The following CADPS2 variants were observed in gnomAD, a reference collection of about 807,000 sequenced individuals.
CADPS2 encodes the protein calcium-dependent secretion activator 2.
In CADPS2, 93 loss-of-function variants were observed where a neutral mutation model predicts 172.5. The ratio of observed to expected loss-of-function variants is 0.54; its 90% confidence interval spans 0.46 to 0.64. The LOEUF is 0.64. Among genes scored for constraint, CADPS2 ranks in the 30% least tolerant of loss-of-function variants. CADPS2 has a pLI of 0.00. For missense variants in CADPS2, 1,420 were observed against 1,565.9 expected (o/e 0.91, Z 1.57); for synonymous variants, 546 against 555.2 (o/e 0.98, Z 0.23).
rs910238253 is a variant in CADPS2 at position 122,331,730 on chromosome 7, A to G, written c.3613-6149T>C. Among the ~76,000 whole-genome samples, 7 of 152,214 alleles carry G rather than the reference A, an allele frequency of 4.6e-5. No homozygotes were observed. The East Asian group carries it at 9.6e-4, about 21-fold the overall frequency. ...GTGGGTGTAATTATTCCCATTTTGC[A>G]TATCTGGAAACCGAGTTTACAGAGG... On this transcript the variant is annotated intron_variant, in intron 28 of 29. Coordinates refer to ENST00000449022, the MANE Select transcript of CADPS2 (RefSeq NM_017954.11).
In CADPS2 at chr7:122,393,269, T is replaced by G. The variant is rs774884037; in HGVS notation, c.2935A>C (p.Ser979Arg). Reference sequence around the variant, plus strand: ...ATCTGTGGAAGATTAAGAGGCAGACTTGGAACTTTTGGAAGAGCTACATTG... The same window carrying G: ...ATCTGTGGAAGATTAAGAGGCAGACGTGGAACTTTTGGAAGAGCTACATTG... ...LPNVALPKVPSLPLNLPQIPN... is the reference protein window; with the variant it reads ...LPNVALPKVPRLPLNLPQIPN... The change falls in exon 22 of 30, where the codon AGT (serine) becomes CGT (arginine). Residue 979 changes from serine (S) to arginine (R), a missense_variant. Coordinates refer to ENST00000449022, the MANE Select transcript of CADPS2 (RefSeq NM_017954.11). 1 of 1,613,818 alleles carries G rather than the reference T, an allele frequency of 6.2e-7. No homozygotes were observed. The highest frequency in any genetic ancestry group is 1.1e-5 in the South Asian group (1 of 91,078).
At chr7:122,846,235 G>T (rs556762674) in intron 1 of CADPS2, among the ~76,000 whole-genome samples, 1 of 151,850 alleles carries the variant, frequency 6.6e-6, no homozygotes. Context: ...CTACTCCAAG[G>T]AATAAAAAGA....
intron 1 of CADPS2, among the ~76,000 whole-genome samples, chr7:122,811,936 A>T (rs1800107388): frequency 6.6e-6 from 1 of 152,138 alleles, no homozygotes; most frequent in Non-Finnish European, 1.5e-5. Flanking sequence ...CTTTCATTTA[A>T]TTATCCACTC....
chr7:122,431,709 C>T (rs2049934196), intron 17 of CADPS2, among the ~76,000 whole-genome samples: 1 of 151,968 alleles, frequency 6.6e-6, no homozygotes, highest in Admixed American at 6.6e-5. Context: ...AAAGTATTGT[C>T]TTAAGAAGTA....
chr7:122,401,947 T>C (rs2046008193), intron 20 of CADPS2, among the ~76,000 whole-genome samples: 1 of 152,174 alleles, frequency 6.6e-6, no homozygotes, highest in Non-Finnish European at 1.5e-5. Context: ...GTTCTCCACA[T>C]TTCATCTCCA....
chr7:122,551,347 A>C (rs966051299), intron 8 of CADPS2, among the ~76,000 whole-genome samples: 3 of 152,078 alleles, frequency 2.0e-5, no homozygotes, highest in African/African-American at 7.2e-5. Context: ...ATCATTATTC[A>C]CATTAATATC....
intron 24 of CADPS2, chr7:122,386,363 A>T: frequency 8.8e-7 from 1 of 1,142,704 alleles, no homozygotes; most frequent in Non-Finnish European, 1.2e-6. Context: ...ACAGAAGGGA[A>T]GAATAAAGAA....
At chr7:122,657,005 C>A (rs903820403) in intron 3 of CADPS2, among the ~76,000 whole-genome samples, 15 of 152,132 alleles carry the variant, frequency 9.9e-5, no homozygotes, top group Non-Finnish European at 2.2e-4. Context: ...AGGAAGGGAT[C>A]CAGTTTCAGC....
chr7:122,739,797 C>T (rs1267824641), intron 1 of CADPS2, among the ~76,000 whole-genome samples: 1 of 152,106 alleles, frequency 6.6e-6, no homozygotes, highest in Non-Finnish European at 1.5e-5. Context: ...TGTCAGAAAG[C>T]AGTTTCCTAA....
At chr7:122,516,575 T>C (rs1033712867) in intron 8 of CADPS2, among the ~76,000 whole-genome samples, 2 of 151,872 alleles carry the variant, frequency 1.3e-5, no homozygotes, top group African/African-American at 2.4e-5. Context: ...AAGATAAAAA[T>C]GTTCATCAAT....
At chr7:122,703,394 T>G (rs2136323542) in intron 2 of CADPS2, among the ~76,000 whole-genome samples, 1 of 152,198 alleles carries the variant, frequency 6.6e-6, no homozygotes, top group South Asian at 2.1e-4. Context: ...CACTACCCAG[T>G]ATGGCATTCT....
intron 25 of CADPS2, among the ~76,000 whole-genome samples, chr7:122,372,004 C>T (rs574283546): frequency 6.6e-6 from 1 of 152,126 alleles, no homozygotes; most frequent in African/African-American, 2.4e-5. Context: ...ATAACAATAT[C>T]AACTAATATT....
At chr7:122,628,674 C>T (rs901249735) in intron 4 of CADPS2, among the ~76,000 whole-genome samples, 23 of 150,590 alleles carry the variant, frequency 1.5e-4, no homozygotes, top group African/African-American at 5.6e-4. Flanking sequence ...AAACTCATGC[C>T]TTTTGTCTGA....
chr7:122,728,034 A>G (rs1213637981), intron 2 of CADPS2, among the ~76,000 whole-genome samples: 1 of 151,832 alleles, frequency 6.6e-6, no homozygotes, highest in East Asian at 1.9e-4. Context: ...GCGATCAACA[A>G]CTCACTACAA....
chr7:122,352,220 ATAAG>A (rs1450241728), intron 27 of CADPS2, among the ~76,000 whole-genome samples: 2 of 152,230 alleles, frequency 1.3e-5, no homozygotes, highest in African/African-American at 4.8e-5. Context: ...TATTATATTC[ATAAG>A]TAGCAATCAT....
intron 8 of CADPS2, among the ~76,000 whole-genome samples, chr7:122,541,206 T>G (rs1052867533): frequency 6.6e-6 from 1 of 151,440 alleles, no homozygotes; most frequent in Non-Finnish European, 1.5e-5. Context: ...ATGATTTTTT[T>G]TTTTTTTTTT....
intron 1 of CADPS2, among the ~76,000 whole-genome samples, chr7:122,799,960 G>A (rs1006601710): frequency 6.6e-6 from 1 of 152,132 alleles, no homozygotes; most frequent in Admixed American, 6.5e-5. Flanking sequence ...TTGAAAGCCT[G>A]CCTCTGGCAG....
At chr7:122,878,394 T>TGTAA (rs1341029144) in intron 1 of CADPS2, among the ~76,000 whole-genome samples, 2 of 151,928 alleles carry the variant, frequency 1.3e-5, no homozygotes, top group African/African-American at 4.8e-5. Context: ...GGCTCACGCC[T>TGTAA]GTAATCCCAG....
At chr7:122,570,652 G>C (rs1587428294) in intron 7 of CADPS2, among the ~76,000 whole-genome samples, 2 of 151,034 alleles carry the variant, frequency 1.3e-5, no homozygotes, top group East Asian at 3.9e-4. Flanking sequence ...AACAATGATA[G>C]ACTGGATTAA....
Sources: allele counts gnomAD v4.1 joint callset (sites outside exome capture counted in the v4.1 genomes callset), GRCh38; gene constraint gnomAD v4.1.1; transcripts MANE v1.5; gene names NCBI Gene and HGNC (gene_info 2026-07-23, HGNC 2026-07-21).